The following ROBO1 variants were observed in gnomAD, a reference collection of about 807,000 sequenced individuals.
ROBO1 encodes the protein roundabout guidance receptor 1.
Under a neutral mutation model 195.9 loss-of-function variants are expected in ROBO1, and 149 were observed. That is an observed-to-expected ratio of 0.76 (90% CI 0.67 to 0.87). The LOEUF (loss-of-function observed/expected upper bound fraction) is 0.87. ROBO1 is among the 40% of genes least tolerant of loss of function. The probability of loss-of-function intolerance (pLI) is 0.00; values close to 1 mark genes in which losing one functional copy is unlikely to be tolerated. For missense variants in ROBO1, 1,933 were observed against 2,068.3 expected, an observed-to-expected ratio of 0.93 and a Z score of 1.27; for synonymous variants, 816 against 733.2, an observed-to-expected ratio of 1.11 and a Z score of -1.82.
intron 4 of ROBO1, among the ~76,000 whole-genome samples, chr3:78,832,411 A>G (rs575560204): frequency 5.0e-4 from 76 of 152,316 alleles, no homozygotes; most frequent in Admixed American, 2.3e-3. Context: ...ACTGGGCCAC[A>G]GAGACCTTGG....
intron 5 of ROBO1, among the ~76,000 whole-genome samples, chr3:78,739,650 A>G (rs1287028939): frequency 6.6e-6 from 1 of 152,142 alleles, no homozygotes; most frequent in Non-Finnish European, 1.5e-5. Flanking sequence ...ATATTTGGCC[A>G]AATTTGACCA....
chr3:78,983,391 C>A (rs1166351956), intron 3 of ROBO1, among the ~76,000 whole-genome samples: 2 of 152,208 alleles, frequency 1.3e-5, no homozygotes, highest in South Asian at 4.1e-4. Flanking sequence ...ACCACATGCA[C>A]CATATTTTTC....
chr3:79,763,319 T>C (rs1425478916), intron 1 of ROBO1, among the ~76,000 whole-genome samples: 2 of 152,172 alleles, frequency 1.3e-5, no homozygotes, highest in East Asian at 3.9e-4. Context: ...ATAATGTATG[T>C]AAAAGTATAT....
At chr3:79,569,813 A>G (rs948714101) in intron 2 of ROBO1, among the ~76,000 whole-genome samples, 1 of 152,174 alleles carries the variant, frequency 6.6e-6, no homozygotes, top group African/African-American at 2.4e-5. Flanking sequence ...ATAATGAGGT[A>G]TTCGGCCTGG....
intron 4 of ROBO1, among the ~76,000 whole-genome samples, chr3:78,932,093 T>A (rs1443944896): frequency 6.6e-6 from 1 of 152,222 alleles, no homozygotes; most frequent in Non-Finnish European, 1.5e-5. Flanking sequence ...AACCTTTAAA[T>A]ACAAATGATT....
chr3:79,219,817 A>C (rs1017073397), intron 2 of ROBO1, among the ~76,000 whole-genome samples: 32 of 152,076 alleles, frequency 2.1e-4, no homozygotes, highest in Non-Finnish European at 4.0e-4. Flanking sequence ...ATATCATAAA[A>C]GCATCCAAAA....
chr3:78,778,796 A>G lies in ROBO1; in HGVS notation c.500-31896T>C, dbSNP rs886906784. On this transcript the variant is annotated intron_variant, in intron 4 of 30. Coordinates refer to ENST00000464233, the MANE Select transcript of ROBO1 (RefSeq NM_002941.4). ...CATATAGAATCAAAAAAGAGCCCACATAGCCAAGACAATCCTAAGCAAAAA... is the reference window on the plus strand; with the variant it reads ...CATATAGAATCAAAAAAGAGCCCACGTAGCCAAGACAATCCTAAGCAAAAA... 5.3e-5 allele frequency among the ~76,000 whole-genome samples: 8 copies of G among 152,334 alleles called. No individual in the cohort carries two copies. In the South Asian group the frequency reaches 1.7e-3, roughly 32 times the overall value.
intron 5 of ROBO1, among the ~76,000 whole-genome samples, chr3:78,741,282 T>G (rs926682965): frequency 3.9e-5 from 6 of 152,174 alleles, no homozygotes; most frequent in African/African-American, 1.4e-4. Context: ...GTATGAGAAA[T>G]TGATGCCTGG....
At chr3:78,661,556 C>T (rs1707406846) in intron 15 of ROBO1, among the ~76,000 whole-genome samples, 1 of 152,118 alleles carries the variant, frequency 6.6e-6, no homozygotes, top group African/African-American at 2.4e-5. Context: ...AACTTCTATG[C>T]TTCATGCAGA....
chr3:79,246,726 T>A (rs2082630634), intron 2 of ROBO1, among the ~76,000 whole-genome samples: 1 of 152,080 alleles, frequency 6.6e-6, no homozygotes, highest in Non-Finnish European at 1.5e-5. Context: ...ATGTTATATA[T>A]AACTAGAACC....
chr3:79,123,460 A>G (rs1576703394), intron 3 of ROBO1, among the ~76,000 whole-genome samples: 2 of 152,068 alleles, frequency 1.3e-5, no homozygotes, highest in South Asian at 4.1e-4. Flanking sequence ...AGTCAACATT[A>G]TTTTTTCTAC....
intron 2 of ROBO1, among the ~76,000 whole-genome samples, chr3:79,565,932 C>T (rs988237954): frequency 6.6e-5 from 10 of 151,928 alleles, no homozygotes; most frequent in Admixed American, 3.3e-4. Context: ...ACCACAAGTC[C>T]AATAATTAGT....
At chr3:78,611,874 C>T (rs971539576) in intron 28 of ROBO1, among the ~76,000 whole-genome samples, 5 of 152,100 alleles carry the variant, frequency 3.3e-5, no homozygotes, top group Non-Finnish European at 7.4e-5. Flanking sequence ...AGAAGATGGC[C>T]GTCTCCCAGC....
intron 2 of ROBO1, among the ~76,000 whole-genome samples, chr3:79,478,995 CAGAGTGCTCT>C (rs1284775542): frequency 6.6e-6 from 1 of 152,194 alleles, no homozygotes; most frequent in Non-Finnish European, 1.5e-5. Flanking sequence ...GAGGAAAATG[CAGAGTGCTCT>C]AGAGGTACAT....
chr3:79,446,998 A>AT (rs79447547), intron 2 of ROBO1, among the ~76,000 whole-genome samples: 1,865 of 143,550 alleles, frequency 0.013, 31 homozygotes, highest in African/African-American at 0.042. Context: ...TAATTTTTGT[A>AT]TTTTTTTTTT....
At chr3:79,334,997 A>C (rs145158581) in intron 2 of ROBO1, among the ~76,000 whole-genome samples, 1 of 152,252 alleles carries the variant, frequency 6.6e-6, no homozygotes, top group African/African-American at 2.4e-5. Context: ...CATGCCGGTA[A>C]TCTCAACAAC....
At chr3:78,973,523 G>A (rs7612794) in intron 3 of ROBO1, among the ~76,000 whole-genome samples, 21,068 of 138,892 alleles carry the variant, frequency 0.15, 2,146 homozygotes, top group East Asian at 0.41. Flanking sequence ...TATATAAGAA[G>A]CTATATATAA....
chr3:78,607,927 C>A (rs1703561605), intron 28 of ROBO1, among the ~76,000 whole-genome samples: 1 of 151,944 alleles, frequency 6.6e-6, no homozygotes, highest in African/African-American at 2.4e-5. Context: ...TGTTTATAAT[C>A]TACTATTCAT....
intron 3 of ROBO1, among the ~76,000 whole-genome samples, chr3:79,103,878 A>C (rs2108515673): frequency 6.6e-6 from 1 of 151,890 alleles, no homozygotes; most frequent in African/African-American, 2.4e-5. Flanking sequence ...CCTCAACTAA[A>C]GTCACTGCAG....
Sources: gnomAD v4.1 joint callset for allele counts (sites outside exome capture counted in the v4.1 genomes callset) on GRCh38, gnomAD v4.1.1 for gene constraint, MANE v1.5 for transcripts, NCBI Gene and HGNC (gene_info 2026-07-23, HGNC 2026-07-21) for gene names.